The following SPECC1L variants were observed in gnomAD, a reference collection of about 807,000 sequenced individuals.
SPECC1L encodes sperm antigen with calponin homology and coiled-coil domains 1 like.
Under a neutral mutation model 116.8 loss-of-function variants are expected in SPECC1L, and 40 were observed. The ratio of observed to expected loss-of-function variants is 0.34; its 90% CI spans 0.27 to 0.45. The LOEUF is 0.45. SPECC1L is among the 20% of genes least tolerant of loss of function. SPECC1L has a pLI of 1.00. For missense variants in SPECC1L, 1,110 were observed against 1,373.6 expected (o/e 0.81, Z 3.03); for synonymous variants, 504 against 500.6 (o/e 1.01, Z -0.09).
chr22:24,317,921 A>T (rs1442258267), intron 4 of SPECC1L, among the ~76,000 whole-genome samples: 1 of 145,760 alleles, frequency 6.9e-6, no homozygotes. Context: ...ATCTCAGATG[A>T]TGGGCGGCCG....
intron 2 of SPECC1L, among the ~76,000 whole-genome samples, chr22:24,290,293 A>G (rs2049133044): frequency 6.6e-6 from 1 of 152,184 alleles, no homozygotes; most frequent in Non-Finnish European, 1.5e-5. Context: ...GAGTGGGGAG[A>G]GGACATAGAG....
At chr22:24,384,220 G>C (rs1050349840) in intron 14 of SPECC1L, among the ~76,000 whole-genome samples, 1 of 152,136 alleles carries the variant, frequency 6.6e-6, no homozygotes, top group African/African-American at 2.4e-5. Flanking sequence ...GTCAAGGACA[G>C]TGAAAAAAAT....
chr22:24,412,973 C>G (rs963152000), intron 16 of SPECC1L, among the ~76,000 whole-genome samples: 1 of 152,156 alleles, frequency 6.6e-6, no homozygotes, highest in Non-Finnish European at 1.5e-5. Flanking sequence ...GACCATGGGC[C>G]CAGCCAACCT....
At chr22:24,273,873 C>T (rs1174417140) in intron 1 of SPECC1L, among the ~76,000 whole-genome samples, 3 of 152,226 alleles carry the variant, frequency 2.0e-5, no homozygotes, top group East Asian at 1.9e-4. Context: ...ATTCTCCTGC[C>T]TCAGCCTCCC....
chr22:24,287,998 G>C (rs182593348), intron 2 of SPECC1L, among the ~76,000 whole-genome samples: 1 of 152,258 alleles, frequency 6.6e-6, no homozygotes, highest in East Asian at 1.9e-4. Context: ...CGGGAGATCA[G>C]AGAGAGCCCT....
intron 11 of SPECC1L, among the ~76,000 whole-genome samples, chr22:24,361,288 G>A (rs2041637971): frequency 1.3e-5 from 2 of 152,146 alleles, no homozygotes; most frequent in Non-Finnish European, 1.5e-5. Flanking sequence ...CCTTCAAGAG[G>A]CTGAGGTGGA....
chr22:24,340,968 A>G (rs2041165633), intron 10 of SPECC1L, among the ~76,000 whole-genome samples: 1 of 152,222 alleles, frequency 6.6e-6, no homozygotes, highest in African/African-American at 2.4e-5. Flanking sequence ...TTATTTTCAG[A>G]CATTGTACGT....
intron 14 of SPECC1L, among the ~76,000 whole-genome samples, chr22:24,386,420 A>T (rs1296779974): frequency 6.6e-6 from 1 of 152,150 alleles, no homozygotes; most frequent in African/African-American, 2.4e-5. Flanking sequence ...ATTAAAAAAT[A>T]AAGTTCTAGT....
chr22:24,303,101 G>A (rs2049415187), intron 3 of SPECC1L, among the ~76,000 whole-genome samples: 1 of 152,164 alleles, frequency 6.6e-6, no homozygotes, highest in South Asian at 2.1e-4. Flanking sequence ...TGGACTAGAG[G>A]TGTGCGTATG....
At chr22:24,383,964 T>TAAGG (rs71695803) in intron 14 of SPECC1L, among the ~76,000 whole-genome samples, 187 of 151,864 alleles carry the variant, frequency 1.2e-3, no homozygotes, top group African/African-American at 4.1e-3. Context: ...AATGAAAATT[T>TAAGG]AAGGACTAAA....
chr22:24,342,097 G>A (rs1185671562), intron 10 of SPECC1L, among the ~76,000 whole-genome samples: 1 of 152,196 alleles, frequency 6.6e-6, no homozygotes, highest in Non-Finnish European at 1.5e-5. Flanking sequence ...TGCAGCATAG[G>A]TAACTAATAC....
Position 24,412,279 on chromosome 22 carries a change from C to G in SPECC1L, c.3205-369C>G, listed in dbSNP as rs575077386. 37 of 384,772 alleles carry G rather than the reference C, an allele frequency of 9.6e-5. No individual in the cohort carries two copies. The East Asian group carries it at 2.2e-3, about 23-fold the overall frequency. 23.8% of individuals were successfully genotyped at this position (384,772 alleles called of 1,614,324 possible). A position where few individuals can be genotyped will look rare whatever the true frequency, so the allele number is the denominator to read the frequency against. Reference sequence around the variant, plus strand: ...GTCCCCTGCTTCCCCCATGTCAGCCCCCAGCCCTGCAGACAACCCTCGAAG... The same window carrying G: ...GTCCCCTGCTTCCCCCATGTCAGCCGCCAGCCCTGCAGACAACCCTCGAAG... On this transcript the variant is annotated intron_variant, in intron 15 of 16. Coordinates refer to ENST00000314328, the MANE Select transcript of SPECC1L (RefSeq NM_015330.6).
intron 14 of SPECC1L, among the ~76,000 whole-genome samples, chr22:24,404,982 C>T (rs1001931025): frequency 1.1e-4 from 16 of 152,244 alleles, no homozygotes; most frequent in African/African-American, 3.9e-4. Flanking sequence ...TGGAGGTTCC[C>T]CATTACTGTT....
intron 3 of SPECC1L, among the ~76,000 whole-genome samples, chr22:24,311,090 C>CT (rs1226119457): frequency 1.3e-5 from 2 of 152,120 alleles, no homozygotes; most frequent in African/African-American, 4.8e-5. Context: ...TTTATGGACT[C>CT]TGTTTCACTA....
At chr22:24,345,705 T>C (rs1251408068) in intron 10 of SPECC1L, among the ~76,000 whole-genome samples, 1 of 152,172 alleles carries the variant, frequency 6.6e-6, no homozygotes, top group African/African-American at 2.4e-5. Context: ...AAATCCACAA[T>C]GAGATCCTAT....
chr22:24,342,670 C>T (rs6004138), intron 10 of SPECC1L, among the ~76,000 whole-genome samples: 174 of 91,700 alleles, frequency 1.9e-3, no homozygotes, highest in African/African-American at 7.9e-3. Context: ...AGGACTCCAT[C>T]TCAAAAAAAA....
intron 3 of SPECC1L, among the ~76,000 whole-genome samples, chr22:24,304,797 C>T (rs1269540939): frequency 6.6e-6 from 1 of 152,166 alleles, no homozygotes; most frequent in Non-Finnish European, 1.5e-5. Flanking sequence ...CAATCCTCCT[C>T]GGAAACTTGA....
intron 2 of SPECC1L, among the ~76,000 whole-genome samples, chr22:24,280,022 A>G (rs1601485857): frequency 6.6e-6 from 1 of 152,148 alleles, no homozygotes; most frequent in Non-Finnish European, 1.5e-5. Flanking sequence ...ATTGATGTCT[A>G]AAGGATGACA....
At chr22:24,396,876 A>G (rs1465604934) in intron 14 of SPECC1L, among the ~76,000 whole-genome samples, 1 of 152,176 alleles carries the variant, frequency 6.6e-6, no homozygotes. Flanking sequence ...ACCAACTCGT[A>G]TGTAAAACAA....
Sources: gnomAD v4.1 joint callset for allele counts (sites outside exome capture counted in the v4.1 genomes callset) on GRCh38, gnomAD v4.1.1 for gene constraint, MANE v1.5 for transcripts, NCBI Gene and HGNC (gene_info 2026-07-23, HGNC 2026-07-21) for gene names.